Variants in ETV6 observed in about 807,000 individuals in gnomAD.
ETV6 encodes the protein ETS variant transcription factor 6, also known as transcription factor ETV6.
A neutral mutation model predicts 51.1 loss-of-function variants in ETV6; 16 were observed. The observed-to-expected ratio is 0.31, with a 90% CI of 0.21 to 0.48. The LOEUF is 0.48. Ranked by LOEUF, ETV6 falls within the 20% of genes least tolerant of loss-of-function variation. The probability of loss-of-function intolerance (pLI) is 0.99; values close to 1 mark genes in which losing one functional copy is unlikely to be tolerated. For synonymous variants in ETV6, 240 were observed against 224.1 expected (o/e 1.07, Z -0.64); for missense variants, 458 against 594.8 (o/e 0.77, Z 2.39).
chr12:11,781,738 C>A (rs1945417303), intron 2 of ETV6, among the ~76,000 whole-genome samples: 1 of 152,106 alleles, frequency 6.6e-6, no homozygotes, highest in African/African-American at 2.4e-5. Flanking sequence ...TTACATTTAA[C>A]CCTATTACGT....
chr12:11,886,771 A>C (rs982061643), intron 7 of ETV6, among the ~76,000 whole-genome samples: 3 of 152,190 alleles, frequency 2.0e-5, no homozygotes, highest in Non-Finnish European at 4.4e-5. Context: ...CTGGAAGAAG[A>C]AGGAGGGATC....
rs547525175 is a variant in ETV6, at chr12:11,874,400, A to G, written c.1009+4431A>G. 3.7e-4 allele frequency among the ~76,000 whole-genome samples: 38 copies of G among 102,632 alleles called. 1 individual carries two copies. Among genetic ancestry groups the G allele is most frequent in the African/African-American group, 1.1e-3 (32 of 30,326 alleles). 67.3% of individuals were successfully genotyped at this position (102,632 alleles called of 152,430 possible). On this transcript the variant is annotated intron_variant, in intron 5 of 7. Coordinates refer to ENST00000396373, the MANE Select transcript of ETV6 (RefSeq NM_001987.5). ...TCAAAAAAAAAAAAAATGTGTGTGTATATATATATGTGTGTATATATATAC... is the reference window on the plus strand; with the variant it reads ...TCAAAAAAAAAAAAAATGTGTGTGTGTATATATATGTGTGTATATATATAC...
At chr12:11,804,823 G>A (rs1945804794) in intron 2 of ETV6, among the ~76,000 whole-genome samples, 1 of 152,148 alleles carries the variant, frequency 6.6e-6, no homozygotes, top group Admixed American at 6.5e-5. Context: ...CACCTGTAGG[G>A]TAATTGGATG....
intron 1 of ETV6, among the ~76,000 whole-genome samples, chr12:11,710,587 T>C (rs1461611950): frequency 6.6e-6 from 1 of 152,084 alleles, no homozygotes; most frequent in Non-Finnish European, 1.5e-5. Flanking sequence ...TGAAACACAT[T>C]ATGAACTGGA....
rs549002330 is a variant in ETV6 at position 11,893,993 on chromosome 12, G to T, written c.*2947G>T. 4.0e-5 allele frequency: 9 copies of T among 223,214 alleles called. No individual in the cohort carries two copies. The South Asian group carries it at 1.7e-3, about 42-fold the overall frequency. The allele number at this position is 223,214 out of a possible 1,614,324, so 13.8% of individuals were successfully genotyped here. A position where few individuals can be genotyped will look rare whatever the true frequency, so the allele number is the denominator to read the frequency against. On this transcript the variant is annotated 3_prime_UTR_variant, in exon 8 of 8. Transcript: ENST00000396373. ...TTTCGTAATTCCCCTAACTGCAAATGTCCTCTTCATTTGTTCTTTATGAGA... is the reference window on the plus strand; with the variant it reads ...TTTCGTAATTCCCCTAACTGCAAATTTCCTCTTCATTTGTTCTTTATGAGA...
intron 1 of ETV6, among the ~76,000 whole-genome samples, chr12:11,727,309 C>T (rs1372075857): frequency 2.0e-5 from 3 of 152,254 alleles, no homozygotes; most frequent in Non-Finnish European, 4.4e-5. Flanking sequence ...CAGGCGGGCG[C>T]AAGCCAACCG....
chr12:11,819,181 C>A (rs1946039645), intron 2 of ETV6, among the ~76,000 whole-genome samples: 1 of 152,162 alleles, frequency 6.6e-6, no homozygotes, highest in African/African-American at 2.4e-5. Flanking sequence ...TCCTCCTCAC[C>A]TCCCATTAGC....
chr12:11,728,487 A>C (rs1490058797), intron 1 of ETV6, among the ~76,000 whole-genome samples: 1 of 152,156 alleles, frequency 6.6e-6, no homozygotes, highest in Non-Finnish European at 1.5e-5. Flanking sequence ...TGAGGGATCT[A>C]GGTTGTGTGC....
chr12:11,859,745 T>C (rs1345369405), intron 4 of ETV6, among the ~76,000 whole-genome samples: 6 of 152,186 alleles, frequency 3.9e-5, no homozygotes, highest in Admixed American at 3.9e-4. Flanking sequence ...ATATTTGTAG[T>C]GTAGGCGCCC....
intron 1 of ETV6, among the ~76,000 whole-genome samples, chr12:11,680,029 A>G (rs1488228196): frequency 4.6e-5 from 7 of 152,170 alleles, no homozygotes; most frequent in African/African-American, 1.7e-4. Flanking sequence ...CTGGGCTTGT[A>G]GTTTTTCTCT....
chr12:11,733,423 A>AT (rs1865641123), intron 1 of ETV6, among the ~76,000 whole-genome samples: 1 of 126,930 alleles, frequency 7.9e-6, no homozygotes, highest in East Asian at 2.5e-4. Flanking sequence ...AAAAAAAAAA[A>AT]AAAAAAAAAT....
chr12:11,657,649 G>T (rs530795043), intron 1 of ETV6, among the ~76,000 whole-genome samples: 1 of 152,180 alleles, frequency 6.6e-6, no homozygotes, highest in Non-Finnish European at 1.5e-5. Flanking sequence ...GGCCTCCCTG[G>T]GGGTATTTTC....
chr12:11,726,824 A>G (rs2120953229), intron 1 of ETV6, among the ~76,000 whole-genome samples: 1 of 152,208 alleles, frequency 6.6e-6, no homozygotes, highest in East Asian at 1.9e-4. Context: ...TAGGCTAGAG[A>G]GAGGCAGAGA....
chr12:11,794,460 G>C (rs1412205795), intron 2 of ETV6, among the ~76,000 whole-genome samples: 1 of 152,170 alleles, frequency 6.6e-6, no homozygotes, highest in Non-Finnish European at 1.5e-5. Context: ...TCCGTACTCA[G>C]AGATCTTATT....
intron 1 of ETV6, among the ~76,000 whole-genome samples, chr12:11,681,392 A>C (rs954682733): frequency 2.6e-5 from 4 of 152,190 alleles, no homozygotes; most frequent in African/African-American, 7.2e-5. Context: ...TAAACCACAG[A>C]AGTTCAGTGA....
intron 5 of ETV6, among the ~76,000 whole-genome samples, chr12:11,874,202 C>T (rs12811193): frequency 0.91 from 84,327 of 93,118 alleles, 39,157 homozygotes; most frequent in East Asian, 1. Flanking sequence ...ATGGTGAAAC[C>T]CCATCTCTAT....
Position 11,891,912 on chromosome 12 carries a change from A to G in ETV6, c.*866A>G, listed in dbSNP as rs1272129298. ...GCTGCAGACAGATACATGCTAGTCC[A>G]GAGAGCCGCCCCTGAGATGGCTGTG... On this transcript the variant is annotated 3_prime_UTR_variant, in exon 8 of 8. Transcript: ENST00000396373. 2.4e-5 allele frequency: 6 copies of G among 252,074 alleles called. No individual in the cohort carries two copies. The highest frequency in any genetic ancestry group is 1.2e-4 in the South Asian group (1 of 8,432). 15.6% of individuals were successfully genotyped at this position (252,074 alleles called of 1,614,324 possible).
At chr12:11,874,376 C>CAA (rs35586470) in intron 5 of ETV6, among the ~76,000 whole-genome samples, 1,390 of 66,066 alleles carry the variant, frequency 0.021, 80 homozygotes, top group African/African-American at 0.065. Context: ...TACTCTGTCT[C>CAA]AAAAAAAAAA....
At chr12:11,678,892 C>G (rs756925021) in intron 1 of ETV6, among the ~76,000 whole-genome samples, 2 of 152,108 alleles carry the variant, frequency 1.3e-5, no homozygotes, top group African/African-American at 4.8e-5. Flanking sequence ...ATTCTTCCTT[C>G]CTCTGCGTCT....
Sources: gnomAD v4.1 joint callset for allele counts (sites outside exome capture counted in the v4.1 genomes callset) on GRCh38, gnomAD v4.1.1 for gene constraint, MANE v1.5 for transcripts, NCBI Gene and HGNC (gene_info 2026-07-23, HGNC 2026-07-21) for gene names.